YWHAE: variants seen among roughly 807,000 people sequenced by gnomAD.
YWHAE encodes the protein 14-3-3 protein epsilon.
In YWHAE, 4 loss-of-function variants were observed where a neutral mutation model predicts 30.1. The observed-to-expected ratio is 0.13, with a 90% CI of 0.07 to 0.30. The LOEUF is 0.30. Among genes scored for constraint, YWHAE ranks in the 10% least tolerant of loss-of-function variants. The pLI is 1.00. For missense variants in YWHAE, 121 were observed against 315.9 expected, an observed-to-expected ratio of 0.38 and a Z score of 4.68; for synonymous variants, 118 against 111.8, an observed-to-expected ratio of 1.06 and a Z score of -0.35.
chr17:1,388,176 T>C (rs1041334173), intron 1 of YWHAE, among the ~76,000 whole-genome samples: 3 of 138,080 alleles, frequency 2.2e-5, no homozygotes, highest in Admixed American at 7.4e-5. Context: ...TTGGTCAGGC[T>C]TGTCTCGAAC....
chr17:1,369,804 A>G (rs1224244179), intron 1 of YWHAE: 2 of 152,250 alleles, frequency 1.3e-5, no homozygotes, highest in East Asian at 3.8e-4. Flanking sequence ...CAGTGCATAG[A>G]AAAGTTATGT....
At chr17:1,374,798 G>C (rs1356010126) in intron 1 of YWHAE, among the ~76,000 whole-genome samples, 1 of 152,058 alleles carries the variant, frequency 6.6e-6, no homozygotes, top group Non-Finnish European at 1.5e-5. Flanking sequence ...TTGGTATGTA[G>C]GAGTTGTTCA....
In YWHAE at chr17:1,374,629, G is replaced by A. The variant is rs2073096943; in HGVS notation, c.65-9571C>T. Among the ~76,000 whole-genome samples the A allele has an allele frequency of 2.0e-5, 3 of 152,154 alleles. No individual in the cohort carries two copies. The South Asian group carries it at 6.2e-4, about 32-fold the overall frequency. ...TTCTTTAAACTAGTCATCCTAGTGGGTGTGAAGCTGTATCTCTTTGTGGTT... is the reference window on the plus strand; with the variant it reads ...TTCTTTAAACTAGTCATCCTAGTGGATGTGAAGCTGTATCTCTTTGTGGTT... On this transcript the variant is annotated intron_variant, in intron 1 of 5. Transcript: ENST00000264335.
intron 1 of YWHAE, among the ~76,000 whole-genome samples, chr17:1,365,716 G>GTTTGGTTTCCTT (rs2072931680): frequency 6.6e-6 from 1 of 152,152 alleles, no homozygotes; most frequent in Non-Finnish European, 1.5e-5. Context: ...ACAAGAAATA[G>GTTTGGTTTCCTT]TAACTGAATA....
intron 1 of YWHAE, among the ~76,000 whole-genome samples, chr17:1,368,661 T>A (rs2150857105): frequency 6.6e-6 from 1 of 152,282 alleles, no homozygotes; most frequent in Admixed American, 6.5e-5. Context: ...ATGCCCAATT[T>A]TGTTTTCTAA....
At chr17:1,353,377 G>A (rs2072669886) in intron 5 of YWHAE, among the ~76,000 whole-genome samples, 1 of 146,652 alleles carries the variant, frequency 6.8e-6, no homozygotes, top group African/African-American at 2.6e-5. Context: ...GACGGAGCTT[G>A]CAGTGAGCCA....
Position 1,345,729 on chromosome 17 carries a change from G to A in YWHAE, c.716-230C>T, listed in dbSNP as rs558347317. On this transcript the variant is annotated intron_variant, in intron 5 of 5. Coordinates refer to ENST00000264335, the MANE Select transcript of YWHAE (RefSeq NM_006761.5). ...ACAGAATGAAAAAAACTGATGCGCAGTACAACTCAATGTTTTTACGCTAAA... is the reference window on the plus strand; with the variant it reads ...ACAGAATGAAAAAAACTGATGCGCAATACAACTCAATGTTTTTACGCTAAA... Among the ~76,000 whole-genome samples the A allele has an allele frequency of 6.6e-5, 10 of 152,264 alleles. No homozygotes were observed. In the South Asian group the frequency reaches 2.1e-3, roughly 32 times the overall value.
intron 1 of YWHAE, among the ~76,000 whole-genome samples, chr17:1,382,574 A>G (rs1163113762): frequency 2.0e-5 from 3 of 149,814 alleles, no homozygotes; most frequent in African/African-American, 7.4e-5. Flanking sequence ...GTTAGCCAGG[A>G]TGATCTCAAT....
In YWHAE at chr17:1,345,072, C is replaced by CTCT. The variant is rs2072493219; in HGVS notation, c.*372_*374dup. On this transcript the variant is annotated 3_prime_UTR_variant, in exon 6 of 6. Transcript: ENST00000264335. ...CTTATGCCTCTATAGTGTGATTAAC[C>CTCT]TCTCTCTTAGATGCTTGCATCACCT... 7.1e-6 allele frequency: 2 copies of CTCT among 281,538 alleles called. No individual in the cohort carries two copies. The highest frequency in any genetic ancestry group is 1.3e-5 in the Non-Finnish European group (2 of 149,172). 17.4% of individuals were successfully genotyped at this position (281,538 alleles called of 1,614,324 possible).
intron 1 of YWHAE, chr17:1,398,726 G>C (rs539249562): frequency 1.3e-5 from 2 of 152,200 alleles, no homozygotes; most frequent in East Asian, 3.9e-4. Context: ...TTCAAAAGGT[G>C]GTCCAAAAGG....
intron 4 of YWHAE, among the ~76,000 whole-genome samples, chr17:1,356,171 A>AACAC (rs71148473): frequency 0.13 from 18,897 of 142,594 alleles, 1,578 homozygotes; most frequent in East Asian, 0.2. Flanking sequence ...TCCGTCTAAA[A>AACAC]ACACACACAC....
chr17:1,392,070 T>C (rs1319477051), intron 1 of YWHAE, among the ~76,000 whole-genome samples: 3 of 151,986 alleles, frequency 2.0e-5, no homozygotes, highest in Non-Finnish European at 4.4e-5. Flanking sequence ...AGTGGTGGTA[T>C]ACTTCTGTAG....
intron 3 of YWHAE, 74 bp from the exon 4 acceptor site, chr17:1,361,372 A>G: frequency 7.9e-7 from 1 of 1,271,556 alleles, no homozygotes. Context: ...AATAAGCTAA[A>G]ATTGTTCTAT....
At chr17:1,383,876 T>C (rs1463632830) in intron 1 of YWHAE, among the ~76,000 whole-genome samples, 1 of 151,850 alleles carries the variant, frequency 6.6e-6, no homozygotes, top group African/African-American at 2.4e-5. Flanking sequence ...GCCTGGGCAA[T>C]ATGGCAAGAC....
At position 1,394,436 on chromosome 17, in the gene YWHAE, C is replaced by CAAAAAAAAAA. The variant is rs544115909; in HGVS notation, c.64+5601_64+5610dup. Among the ~76,000 whole-genome samples, 52 of 58,536 alleles carry CAAAAAAAAAA rather than the reference C, an allele frequency of 8.9e-4. 2 individuals carry two copies. Among genetic ancestry groups the CAAAAAAAAAA allele is most frequent in the African/African-American group, 3.6e-3 (41 of 11,338 alleles). The allele number at this position is 58,536 out of a possible 152,430, so 38.4% of individuals were successfully genotyped here. A position where few individuals can be genotyped will look rare whatever the true frequency, so the allele number is the denominator to read the frequency against. On this transcript the variant is annotated intron_variant, in intron 1 of 5. Transcript: ENST00000264335. Reference sequence around the variant, plus strand: ...GGGCAACATAGAGACCTCAAATCCACAAAAAAAAAAAAAAAAAAAAAAAAA... The same window carrying CAAAAAAAAAA: ...GGGCAACATAGAGACCTCAAATCCACAAAAAAAAAAAAAAAAAAAAAAAAAAAAAAAAAAA...
At chr17:1,375,715 AG>A (rs2073111827) in intron 1 of YWHAE, among the ~76,000 whole-genome samples, 1 of 152,222 alleles carries the variant, frequency 6.6e-6, no homozygotes, top group Non-Finnish European at 1.5e-5. Flanking sequence ...GTATGGTAAT[AG>A]CCTAGACACA....
intron 1 of YWHAE, among the ~76,000 whole-genome samples, chr17:1,372,969 A>G (rs1473539347): frequency 6.6e-6 from 1 of 151,984 alleles, no homozygotes; most frequent in East Asian, 1.9e-4. Context: ...CAGGCCAGGC[A>G]TGGTGGCTCA....
Position 1,379,323 on chromosome 17 carries a change from A to G in YWHAE, c.65-14265T>C, listed in dbSNP as rs1246909332. 9.2e-5 allele frequency among the ~76,000 whole-genome samples: 14 copies of G among 152,014 alleles called. 1 individual carries two copies. Among genetic ancestry groups the G allele is most frequent in the Admixed American group, 8.5e-4 (13 of 15,252 alleles). The stretch of plus-strand genomic sequence containing the variant: ...AGCACGGCAAAACTCCATCTCTACT[A>G]AAATATAAAAAATTAGCCGGGCGTG... On this transcript the variant is annotated intron_variant, in intron 1 of 5. Coordinates refer to ENST00000264335, the MANE Select transcript of YWHAE (RefSeq NM_006761.5).
intron 1 of YWHAE, among the ~76,000 whole-genome samples, chr17:1,376,953 G>C (rs1366409787): frequency 6.7e-6 from 1 of 148,636 alleles, no homozygotes. Flanking sequence ...TTGAGACAGA[G>C]TCTAGCTCTG....
Sources: allele counts gnomAD v4.1 joint callset (sites outside exome capture counted in the v4.1 genomes callset), GRCh38; gene constraint gnomAD v4.1.1; transcripts MANE v1.5; gene names NCBI Gene and HGNC (gene_info 2026-07-23, HGNC 2026-07-21).